The following RSU1 variants were observed in gnomAD, a reference collection of about 807,000 sequenced individuals.
RSU1 encodes the protein rsu-1.
In RSU1, 26 loss-of-function variants were observed where a neutral mutation model predicts 31.1. The observed-to-expected ratio is 0.84, with a 90% CI of 0.61 to 1.16. The LOEUF is 1.16. Ranked by LOEUF, RSU1 falls within the 50% of genes most tolerant of loss-of-function variation. RSU1 has a pLI of 0.00. For missense variants in RSU1, 320 were observed against 339.1 expected, an observed-to-expected ratio of 0.94 and a Z score of 0.44; for synonymous variants, 164 against 136.3, an observed-to-expected ratio of 1.20 and a Z score of -1.41.
chr10:16,634,298 A>G (rs943596251), intron 8 of RSU1, among the ~76,000 whole-genome samples: 1 of 152,234 alleles, frequency 6.6e-6, no homozygotes, highest in Non-Finnish European at 1.5e-5. Flanking sequence ...ACACTTGCCC[A>G]GCAGTACTGC....
intron 4 of RSU1, among the ~76,000 whole-genome samples, chr10:16,760,859 C>A (rs138355050): frequency 6.6e-6 from 1 of 152,146 alleles, no homozygotes; most frequent in East Asian, 1.9e-4. Context: ...CTCTTTCATA[C>A]GGAAATATGA....
chr10:16,638,780 C>A (rs532418378), intron 8 of RSU1, among the ~76,000 whole-genome samples: 2 of 152,138 alleles, frequency 1.3e-5, no homozygotes, highest in Non-Finnish European at 2.9e-5. Context: ...GGAGGAGGGC[C>A]GCGCTAGACG....
chr10:16,809,262 C>G (rs1223753308), intron 2 of RSU1, among the ~76,000 whole-genome samples: 1 of 152,198 alleles, frequency 6.6e-6, no homozygotes. Context: ...CTTCTCTATT[C>G]AGAGGCCACA....
At chr10:16,672,548 C>A (rs1219108605) in intron 8 of RSU1, among the ~76,000 whole-genome samples, 5 of 152,152 alleles carry the variant, frequency 3.3e-5, no homozygotes, top group African/African-American at 1.2e-4. Flanking sequence ...AAGATATCAA[C>A]TACTGATGCA....
At chr10:16,808,089 C>G (rs1838314581) in intron 2 of RSU1, among the ~76,000 whole-genome samples, 2 of 151,862 alleles carry the variant, frequency 1.3e-5, no homozygotes, top group Admixed American at 6.6e-5. Flanking sequence ...TAGGAGTCAC[C>G]TCTCCTTGGC....
intron 8 of RSU1, among the ~76,000 whole-genome samples, chr10:16,672,181 G>T (rs1316117622): frequency 6.6e-6 from 1 of 151,278 alleles, no homozygotes; most frequent in Non-Finnish European, 1.5e-5. Context: ...GTGGTGGCGG[G>T]TGCCTGTAGT....
intron 2 of RSU1, among the ~76,000 whole-genome samples, chr10:16,796,340 G>C (rs1195496997): frequency 2.6e-5 from 4 of 152,082 alleles, no homozygotes; most frequent in African/African-American, 9.7e-5. Flanking sequence ...TGTTTCTTCT[G>C]ATCTGCTCCA....
intron 8 of RSU1, among the ~76,000 whole-genome samples, chr10:16,644,405 G>C (rs79354027): frequency 6.6e-6 from 1 of 152,174 alleles, no homozygotes. Context: ...TACACATTAC[G>C]TGAGTGGCAT....
At chr10:16,648,953 T>C (rs753053454) in intron 8 of RSU1, among the ~76,000 whole-genome samples, 7 of 152,144 alleles carry the variant, frequency 4.6e-5, no homozygotes, top group Non-Finnish European at 1.0e-4. Flanking sequence ...AAAGAAAGAC[T>C]TCTGTGGTAT....
chr10:16,621,631 G>A (rs1447942155), intron 8 of RSU1, among the ~76,000 whole-genome samples: 1 of 152,192 alleles, frequency 6.6e-6, no homozygotes, highest in African/African-American at 2.4e-5. Context: ...GGAAGGTGGA[G>A]TAGGAGCAAA....
At chr10:16,721,002 TAAAC>T (rs899791349) in intron 7 of RSU1, among the ~76,000 whole-genome samples, 8 of 152,136 alleles carry the variant, frequency 5.3e-5, no homozygotes, top group South Asian at 2.1e-4. Context: ...AATAAATAAA[TAAAC>T]AAACAAATAA....
chr10:16,781,826 A>G (rs1837657886), intron 3 of RSU1, among the ~76,000 whole-genome samples: 1 of 152,350 alleles, frequency 6.6e-6, no homozygotes, highest in African/African-American at 2.4e-5. Context: ...GTCTCAAAAA[A>G]AAGAAAAGAA....
intron 7 of RSU1, among the ~76,000 whole-genome samples, chr10:16,706,341 G>A (rs929698993): frequency 3.3e-5 from 5 of 152,050 alleles, no homozygotes; most frequent in South Asian, 2.1e-4. Context: ...TTGCACTTCC[G>A]TAATGACTAG....
intron 8 of RSU1, among the ~76,000 whole-genome samples, chr10:16,653,580 C>T (rs754238371): frequency 5.3e-5 from 8 of 152,018 alleles, no homozygotes; most frequent in South Asian, 2.1e-4. Context: ...GTTGAAAATT[C>T]TGCAACAAGT....
chr10:16,776,899 A>T (rs934760394), intron 3 of RSU1, among the ~76,000 whole-genome samples: 2 of 151,060 alleles, frequency 1.3e-5, no homozygotes, highest in African/African-American at 4.8e-5. Flanking sequence ...TTTACTGGAC[A>T]TAAGGTCATA....
At chr10:16,799,860 G>A (rs1838114361) in intron 2 of RSU1, among the ~76,000 whole-genome samples, 1 of 152,204 alleles carries the variant, frequency 6.6e-6, no homozygotes, top group Non-Finnish European at 1.5e-5. Flanking sequence ...ATGCGGGGAA[G>A]TTGAGAAACA....
chr10:16,662,871 A>G (rs1391379657), intron 8 of RSU1, among the ~76,000 whole-genome samples: 1 of 151,972 alleles, frequency 6.6e-6, no homozygotes, highest in African/African-American at 2.4e-5. Flanking sequence ...AACATTAACT[A>G]TTCTGTGAAG....
chr10:16,779,618 C>A (rs943924666), intron 3 of RSU1, among the ~76,000 whole-genome samples: 1 of 151,998 alleles, frequency 6.6e-6, no homozygotes, highest in East Asian at 1.9e-4. Context: ...AAAAGCAGTG[C>A]CGGGTGAGGG....
chr10:16,726,278 T>C (rs7087564), intron 7 of RSU1, among the ~76,000 whole-genome samples: 61,145 of 149,440 alleles, frequency 0.41, 13,605 homozygotes, highest in East Asian at 0.58. Context: ...TTTTTTTTTT[T>C]TTTTTTTTGA....
Sources: gnomAD v4.1 joint callset for allele counts (sites outside exome capture counted in the v4.1 genomes callset) on GRCh38, gnomAD v4.1.1 for gene constraint, MANE v1.5 for transcripts, NCBI Gene and HGNC (gene_info 2026-07-23, HGNC 2026-07-21) for gene names.